ZNF517: variants seen among roughly 807,000 people sequenced by gnomAD.
ZNF517 encodes the protein zinc finger protein 517.
In ZNF517, 12 loss-of-function variants were observed where a neutral mutation model predicts 12.1. The observed-to-expected ratio is 0.99, with a 90% confidence interval of 0.63 to 1.61. ZNF517 has a LOEUF of 1.61. ZNF517 is among the 40% of genes most tolerant of loss of function. The pLI is 0.00. For missense variants in ZNF517, 781 were observed against 693.2 expected (o/e 1.13, Z -1.42); for synonymous variants, 388 against 310.2 (o/e 1.25, Z -2.63).
downstream of ZNF517, among the ~76,000 whole-genome samples, chr8:144,812,336 C>A (rs74861063): frequency 3.1e-3 from 176 of 57,146 alleles, no homozygotes; most frequent in East Asian, 7.6e-3. Context: ...AGACTGCAGC[C>A]TGGAAGCAAA....
chr8:144,811,833 T>G (rs1437568636), downstream of ZNF517, among the ~76,000 whole-genome samples: 1 of 122,730 alleles, frequency 8.1e-6, no homozygotes, highest in African/African-American at 3.4e-5. Context: ...CTCAGCCAGG[T>G]GCAGACTGCA....
At chr8:144,812,873 C>T (rs1189261611), downstream of ZNF517, among the ~76,000 whole-genome samples, 1 of 152,160 alleles carries the variant, frequency 6.6e-6, no homozygotes, top group Non-Finnish European at 1.5e-5. Context: ...TCAAAACATT[C>T]TTAGAACAAA....
chr8:144,811,812 G>T (rs372169981), downstream of ZNF517, among the ~76,000 whole-genome samples: 63 of 99,110 alleles, frequency 6.4e-4, no homozygotes, highest in South Asian at 1.5e-3. Context: ...GGAGAGACAC[G>T]GACAGTAAAG....
chr8:144,807,544 T>C lies in ZNF517; in HGVS notation c.628T>C (p.Cys210Arg). 6.3e-7 allele frequency: 1 copy of C among 1,597,438 alleles called. No homozygotes were observed. Among genetic ancestry groups the C allele is most frequent in the Non-Finnish European group, 8.5e-7 (1 of 1,172,508 alleles). ...TGAKPFQCTE[C>R]GKAFKQSSIL... ...CGCCAAGCCCTTCCAGTGCACAGAG[T>C]GCGGGAAGGCCTTCAAGCAAAGCTC... is the stretch of plus-strand genomic sequence containing the variant. The change falls in exon 5 of 5, where the codon TGC (cysteine) becomes CGC (arginine). Residue 210 changes from cysteine to arginine, a missense_variant. Coordinates refer to ENST00000359971, the MANE Select transcript of ZNF517 (RefSeq NM_213605.3).
Position 144,808,699 on chromosome 8 carries a change from G to C in ZNF517, c.*304G>C, listed in dbSNP as rs1827425259. On this transcript the variant is annotated 3_prime_UTR_variant, in exon 5 of 5. Coordinates refer to ENST00000359971, the MANE Select transcript of ZNF517 (RefSeq NM_213605.3). The stretch of plus-strand genomic sequence containing the variant: ...GCTATGCTCAGTCCCCAAAGAGCAG[G>C]GCACAGGGGGCGCCACAGACGCATA... The C allele has an allele frequency of 1.0e-5, 3 of 285,724 alleles. No individual in the cohort carries two copies. In the Admixed American group the frequency reaches 1.6e-4, roughly 15 times the overall value. The allele number at this position is 285,724 out of a possible 1,614,324, so 17.7% of individuals were successfully genotyped here. A position where few individuals can be genotyped will look rare whatever the true frequency, so the allele number is the denominator to read the frequency against.
downstream of ZNF517, among the ~76,000 whole-genome samples, chr8:144,811,379 G>T (rs1827549775): frequency 6.6e-6 from 1 of 152,010 alleles, no homozygotes; most frequent in Non-Finnish European, 1.5e-5. Flanking sequence ...CCTGAGACAG[G>T]GTGGGAGAGA....
rs770784039 is a variant in ZNF517 at position 144,808,048 on chromosome 8, CGACACAACTCCCT to C, written c.1134_1146del (p.His379CysfsTer57). 2.5e-6 allele frequency: 4 copies of C among 1,603,594 alleles called. No individual in the cohort carries two copies. The highest frequency in any genetic ancestry group is 3.4e-6 in the Non-Finnish European group (4 of 1,175,766). ...GTGCCCGGTGTGCGGGAGGCCGTTC[CGACACAACTCCCT>C]GCTGCTGCTGCACCTGCGCCTACAC... On this transcript the variant is annotated frameshift_variant, in exon 5 of 5. Coordinates refer to ENST00000359971, the MANE Select transcript of ZNF517 (RefSeq NM_213605.3). LOFTEE classifies it low-confidence loss of function (END_TRUNC).
intron 1 of ZNF517, among the ~76,000 whole-genome samples, chr8:144,799,929 G>C (rs1826874906): frequency 6.6e-6 from 1 of 152,222 alleles, no homozygotes. Flanking sequence ...AACAGAGGGA[G>C]ACTCTGTCGC....
At position 144,802,877 on chromosome 8, in the gene ZNF517, T is replaced by C; in HGVS notation, c.-38T>C. 6.2e-7 allele frequency: 1 copy of C among 1,613,864 alleles called. No homozygotes were observed. Among genetic ancestry groups the C allele is most frequent in the Non-Finnish European group, 8.5e-7 (1 of 1,179,920 alleles). ...GGCTCTATGTTCCCTCAGAATTCAC[T>C]GTCTGTAGCATCTGCTCCTCCACAG... On this transcript the variant is annotated 5_prime_UTR_variant, in exon 2 of 5. Transcript: ENST00000359971.
downstream of ZNF517, among the ~76,000 whole-genome samples, chr8:144,811,938 G>T (rs1220320262): frequency 4.0e-5 from 4 of 100,574 alleles, no homozygotes; most frequent in African/African-American, 1.8e-4. Flanking sequence ...GCTGAGACAG[G>T]GTGGGAGAGA....
intron 2 of ZNF517, 105 bp from the exon 3 acceptor site, chr8:144,803,535 GT>G: frequency 6.8e-7 from 1 of 1,480,798 alleles, no homozygotes; most frequent in Non-Finnish European, 9.2e-7. Flanking sequence ...GGATGCAGCA[GT>G]GGGCAGCAAG....
chr8:144,799,211 C>T (rs1451770307), intron 1 of ZNF517, among the ~76,000 whole-genome samples: 2 of 152,144 alleles, frequency 1.3e-5, no homozygotes, highest in Non-Finnish European at 2.9e-5. Context: ...GATGAGGCTG[C>T]AGGCGGGGAG....
Position 144,808,497 on chromosome 8 carries a change from G to T in ZNF517, c.*102G>T. 7.3e-7 allele frequency: 1 copy of T among 1,374,302 alleles called. No individual in the cohort carries two copies. 85.1% of individuals were successfully genotyped at this position (1,374,302 alleles called of 1,614,324 possible). A position where few individuals can be genotyped will look rare whatever the true frequency, so the allele number is the denominator to read the frequency against. Reference sequence around the variant, plus strand: ...CCCCCTGTCCTGAAGGTGAAGCAAAGTCTAAAGAAAGGGCCAGCTCCCATC... The same window carrying T: ...CCCCCTGTCCTGAAGGTGAAGCAAATTCTAAAGAAAGGGCCAGCTCCCATC... On this transcript the variant is annotated 3_prime_UTR_variant, in exon 5 of 5. Coordinates refer to ENST00000359971, the MANE Select transcript of ZNF517 (RefSeq NM_213605.3).
downstream of ZNF517, among the ~76,000 whole-genome samples, chr8:144,813,098 C>T (rs536870377): frequency 2.5e-4 from 38 of 151,972 alleles, no homozygotes; most frequent in African/African-American, 5.8e-4. Flanking sequence ...TGGTGGATCA[C>T]GAGGTCAGGA....
At position 144,807,474 on chromosome 8, in the gene ZNF517, C is replaced by T; in HGVS notation, c.558C>T (p.Phe186=). Residue 186 remains phenylalanine (F), a synonymous_variant, in exon 5 of 5, where the codon TTC becomes TTT. Transcript: ENST00000359971. ...PRYRCVCGKA[F]RYNSLLLRHQ... The stretch of plus-strand genomic sequence containing the variant: ...ACAGGTGCGTGTGCGGCAAGGCGTT[C>T]AGATACAACTCGCTGCTTCTCAGGC... 1 of 1,581,894 alleles carries T rather than the reference C, an allele frequency of 6.3e-7. No homozygotes were observed.
chr8:144,808,431 GC>G lies in ZNF517; in HGVS notation c.*39del, dbSNP rs754127687. The G allele has an allele frequency of 1.5e-4, 218 of 1,439,958 alleles. No homozygotes were observed. Among genetic ancestry groups the G allele is most frequent in the South Asian group, 3.2e-4 (21 of 65,086 alleles). The allele number at this position is 1,439,958 out of a possible 1,614,324, so 89.2% of individuals were successfully genotyped here. A position where few individuals can be genotyped will look rare whatever the true frequency, so the allele number is the denominator to read the frequency against. On this transcript the variant is annotated 3_prime_UTR_variant, in exon 5 of 5. Coordinates refer to ENST00000359971, the MANE Select transcript of ZNF517 (RefSeq NM_213605.3). Reference sequence around the variant, plus strand: ...GACAGGCCGAGGATTCACGCTGGAAGCCCACCCAAGCCGGCGGGGCCCTAGC... The same window carrying G: ...GACAGGCCGAGGATTCACGCTGGAAGCCACCCAAGCCGGCGGGGCCCTAGC...
chr8:144,810,586 G>A (rs1001455216), downstream of ZNF517: 1 of 213,650 alleles, frequency 4.7e-6, no homozygotes, highest in African/African-American at 2.3e-5. Flanking sequence ...ACGAAGGTCA[G>A]GGCCAGCCTG....
At chr8:144,806,261 T>C (rs1442173362) in intron 4 of ZNF517, among the ~76,000 whole-genome samples, 1 of 152,142 alleles carries the variant, frequency 6.6e-6, no homozygotes, top group Non-Finnish European at 1.5e-5. Flanking sequence ...TGCCCAGACA[T>C]GTTTGCTGAG....
In ZNF517 at chr8:144,807,369, C is replaced by T; in HGVS notation, c.453C>T (p.Pro151=). The part of the protein sequence containing the change: ...PEDGSDKPTH[P]RAREHSASPR... ...ACGGGTCAGATAAACCCACCCACCCCCGGGCTCGGGAGCACAGCGCCTCCC... is the reference window on the plus strand; with the variant it reads ...ACGGGTCAGATAAACCCACCCACCCTCGGGCTCGGGAGCACAGCGCCTCCC... The change falls in exon 5 of 5, where the codon CCC becomes CCT. Residue 151 remains proline (P), a synonymous_variant. Coordinates refer to ENST00000359971, the MANE Select transcript of ZNF517 (RefSeq NM_213605.3). 1.3e-6 allele frequency: 2 copies of T among 1,555,430 alleles called. No homozygotes were observed. Among genetic ancestry groups the T allele is most frequent in the Non-Finnish European group, 1.7e-6 (2 of 1,149,374 alleles).
Sources: gnomAD v4.1 joint callset for allele counts (sites outside exome capture counted in the v4.1 genomes callset) on GRCh38, gnomAD v4.1.1 for gene constraint, MANE v1.5 for transcripts, NCBI Gene and HGNC (gene_info 2026-07-23, HGNC 2026-07-21) for gene names.